The following CRISPLD2 variants were observed in gnomAD, a reference collection of about 807,000 sequenced individuals.
CRISPLD2 encodes the protein cysteine rich secretory protein LCCL domain containing 2, also known as cysteine-rich secretory protein LCCL domain-containing 2.
Under a neutral mutation model 71.1 loss-of-function variants are expected in CRISPLD2, and 47 were observed. The ratio of observed to expected loss-of-function variants is 0.66; its 90% CI spans 0.52 to 0.84. CRISPLD2 has a LOEUF of 0.84. CRISPLD2 is among the 40% of genes least tolerant of loss of function. The probability of loss-of-function intolerance (pLI) is 0.00; values close to 1 mark genes in which losing one functional copy is unlikely to be tolerated. For missense variants in CRISPLD2, 830 were observed against 651.1 expected, an observed-to-expected ratio of 1.27 and a Z score of -2.99; for synonymous variants, 317 against 250.1, an observed-to-expected ratio of 1.27 and a Z score of -2.52.
intron 2 of CRISPLD2, chr16:84,839,185 C>T (rs1023008607): frequency 2.9e-6 from 1 of 347,622 alleles, no homozygotes; most frequent in Non-Finnish European, 5.7e-6. Context: ...CCCTGTCTGG[C>T]TCTGGCTCTG....
At chr16:84,848,957 G>C (rs1916993538) in intron 3 of CRISPLD2, among the ~76,000 whole-genome samples, 1 of 72,696 alleles carries the variant, frequency 1.4e-5, no homozygotes, top group African/African-American at 3.8e-5. Flanking sequence ...CTGCACTCCA[G>C]CCTGGGCGAC....
At chr16:84,838,951 C>T in intron 2 of CRISPLD2, 2 of 713,626 alleles carry the variant, frequency 2.8e-6, no homozygotes, top group Non-Finnish European at 5.0e-6. Flanking sequence ...TGCAATGGCA[C>T]AATCGTCATG....
At chr16:84,906,436 G>T (rs958389028) in intron 14 of CRISPLD2, 152 bp from the exon 15 acceptor site, 4 of 675,882 alleles carry the variant, frequency 5.9e-6, no homozygotes, top group Admixed American at 5.6e-5. Context: ...GGCAGGCTCT[G>T]TGTCTGGCGG....
At chr16:84,873,144 C>A (rs1267555979) in intron 10 of CRISPLD2, 22 bp downstream of exon 10, 4 of 1,601,710 alleles carry the variant, frequency 2.5e-6, no homozygotes, top group East Asian at 2.3e-5. Flanking sequence ...GTGATCGGGG[C>A]TCTGTGAAAC....
chr16:84,877,772 C>T (rs934638529), intron 12 of CRISPLD2, among the ~76,000 whole-genome samples: 24 of 152,048 alleles, frequency 1.6e-4, no homozygotes, highest in African/African-American at 5.8e-4. Context: ...ATTGCTTGAA[C>T]CTGGGAGGCG....
intron 6 of CRISPLD2, among the ~76,000 whole-genome samples, chr16:84,863,587 A>G (rs1363493187): frequency 6.6e-6 from 1 of 152,242 alleles, no homozygotes; most frequent in African/African-American, 2.4e-5. Context: ...GAGCCTGGGC[A>G]GGGCCCTTAC....
chr16:84,854,174 C>G (rs1917168152), intron 5 of CRISPLD2, among the ~76,000 whole-genome samples: 1 of 152,202 alleles, frequency 6.6e-6, no homozygotes. Context: ...TGGGGCAAGT[C>G]ACTTAACCTC....
chr16:84,885,996 T>A (rs1567701504), intron 13 of CRISPLD2, among the ~76,000 whole-genome samples: 1 of 152,034 alleles, frequency 6.6e-6, no homozygotes, highest in Non-Finnish European at 1.5e-5. Context: ...CGTTTTTAAA[T>A]TTTTTGTAGA....
chr16:84,838,377 C>A, intron 1 of CRISPLD2, 45 bp from the exon 2 acceptor site: 3 of 1,267,818 alleles, frequency 2.4e-6, no homozygotes, highest in Non-Finnish European at 3.3e-6. Context: ...CTGTGACCGG[C>A]TCCTACTAAT....
rs970264931 is a variant in CRISPLD2 at position 84,874,089 on chromosome 16, T to C, written c.1156+126T>C. On this transcript the variant is annotated intron_variant, in intron 11 of 14. Transcript: ENST00000262424. ...GTGTGAACATTATGGTTCTCATCAT[T>C]GTCAAGCCTTTTTCAAGACGTCATC... is the stretch of plus-strand genomic sequence containing the variant. The C allele has an allele frequency of 4.7e-6, 4 of 857,562 alleles. No individual in the cohort carries two copies. The East Asian group carries it at 1.0e-4, about 22-fold the overall frequency. 53.1% of individuals were successfully genotyped at this position (857,562 alleles called of 1,614,324 possible).
chr16:84,897,225 C>T (rs887565411), intron 14 of CRISPLD2, among the ~76,000 whole-genome samples: 8 of 150,402 alleles, frequency 5.3e-5, no homozygotes, highest in African/African-American at 1.7e-4. Context: ...GGGAGGATCA[C>T]ATGAGGCCAG....
At chr16:84,847,427 A>G (rs555341067) in intron 3 of CRISPLD2, among the ~76,000 whole-genome samples, 2 of 152,318 alleles carry the variant, frequency 1.3e-5, no homozygotes, top group South Asian at 2.1e-4. Flanking sequence ...CAAGGTGGGC[A>G]GAATACAAGG....
At chr16:84,882,995 C>G (rs1004463072) in intron 13 of CRISPLD2, among the ~76,000 whole-genome samples, 10 of 152,186 alleles carry the variant, frequency 6.6e-5, no homozygotes, top group African/African-American at 2.4e-4. Context: ...TCTTCATTAA[C>G]AAGTTTCACT....
At chr16:84,864,657 G>A (rs1171010356) in intron 6 of CRISPLD2, among the ~76,000 whole-genome samples, 1 of 152,206 alleles carries the variant, frequency 6.6e-6, no homozygotes, top group East Asian at 1.9e-4. Flanking sequence ...TTCTTTAGGT[G>A]ACAGGATTCT....
intron 3 of CRISPLD2, among the ~76,000 whole-genome samples, chr16:84,848,306 T>C (rs974678828): frequency 2.0e-5 from 3 of 152,200 alleles, no homozygotes; most frequent in African/African-American, 7.2e-5. Flanking sequence ...CAGTAATTGT[T>C]ACAAGACCTC....
At chr16:84,890,770 G>A (rs1001550275) in intron 14 of CRISPLD2, among the ~76,000 whole-genome samples, 1 of 152,048 alleles carries the variant, frequency 6.6e-6, no homozygotes, top group African/African-American at 2.4e-5. Flanking sequence ...ACTCCAGCCT[G>A]GGCAACAAGA....
chr16:84,895,109 C>T (rs543258532), intron 14 of CRISPLD2, among the ~76,000 whole-genome samples: 1 of 152,200 alleles, frequency 6.6e-6, no homozygotes, highest in Non-Finnish European at 1.5e-5. Flanking sequence ...GCTCTGCACA[C>T]GTTAGCACAT....
chr16:84,886,778 G>A (rs1390541509), intron 13 of CRISPLD2, among the ~76,000 whole-genome samples: 2 of 152,170 alleles, frequency 1.3e-5, no homozygotes, highest in Non-Finnish European at 1.5e-5. Context: ...TGGTATCACC[G>A]CACTTCAGCC....
chr16:84,844,084 G>A (rs552983811), intron 2 of CRISPLD2, among the ~76,000 whole-genome samples: 13 of 152,352 alleles, frequency 8.5e-5, no homozygotes, highest in African/African-American at 3.1e-4. Context: ...TCTGTCGGGA[G>A]GACTCCAGGG....
Sources: gnomAD v4.1 joint callset for allele counts (sites outside exome capture counted in the v4.1 genomes callset) on GRCh38, gnomAD v4.1.1 for gene constraint, MANE v1.5 for transcripts, NCBI Gene and HGNC (gene_info 2026-07-23, HGNC 2026-07-21) for gene names.